Variants in LZIC observed in about 807,000 individuals in gnomAD.
LZIC encodes the protein leucine zipper and CTNNBIP1 domain containing.
LZIC carries 28 observed loss-of-function variants against 25.4 expected under a neutral mutation model. The ratio of observed to expected loss-of-function variants is 1.10; its 90% CI spans 0.82 to 1.51. LZIC has a LOEUF of 1.51. Ranked by LOEUF, LZIC falls within the 40% of genes most tolerant of loss-of-function variation. LZIC has a pLI of 0.00. For synonymous variants in LZIC, 65 were observed against 70.7 expected (o/e 0.92, Z 0.40); for missense variants, 170 against 211.1 (o/e 0.81, Z 1.21).
intron 2 of LZIC, among the ~76,000 whole-genome samples, chr1:9,938,308 C>G (rs1469113858): frequency 6.6e-6 from 1 of 152,042 alleles, no homozygotes; most frequent in Admixed American, 6.6e-5. Flanking sequence ...GCTGCAAACA[C>G]AGGCACACAC....
At chr1:9,942,956 G>A (rs1404880456) in intron 1 of LZIC, 174 bp from the exon 2 acceptor site, 1 of 351,442 alleles carries the variant, frequency 2.8e-6, no homozygotes, top group Non-Finnish European at 5.6e-6. Flanking sequence ...AGGCCGAGAG[G>A]GTCTTTGAGG....
downstream of LZIC, chr1:9,922,413 T>G: frequency 1.4e-6 from 1 of 693,882 alleles, no homozygotes; most frequent in African/African-American, 2.0e-5. Context: ...GCAATTCACT[T>G]AAAGAATTCA....
At chr1:9,940,301 C>A (rs984234767) in intron 2 of LZIC, among the ~76,000 whole-genome samples, 1 of 151,958 alleles carries the variant, frequency 6.6e-6, no homozygotes, top group African/African-American at 2.4e-5. Flanking sequence ...CTCAGCCTCC[C>A]GAGTAGCTAG....
At chr1:9,935,850 C>T (rs1640431088) in intron 3 of LZIC, among the ~76,000 whole-genome samples, 1 of 152,126 alleles carries the variant, frequency 6.6e-6, no homozygotes, top group Non-Finnish European at 1.5e-5. Context: ...CATAATAAAG[C>T]AGGGTGCCGT....
At chr1:9,934,654 T>G in intron 5 of LZIC, 108 bp downstream of exon 5, 1 of 842,980 alleles carries the variant, frequency 1.2e-6, no homozygotes, top group South Asian at 1.5e-5. Flanking sequence ...AATTGTTAGT[T>G]GTGGCTCTAA....
At position 9,929,899 on chromosome 1, in the gene LZIC, C is replaced by T. The variant is rs1426204811; in HGVS notation, c.*500G>A. On this transcript the variant is annotated 3_prime_UTR_variant, in exon 8 of 8. Transcript: ENST00000377223. ...ATGCGACTTTAAGCAAAGTCGCTTGCTCTTTCTGGACCTCAGTTTCCTTGT... is the reference window on the plus strand; with the variant it reads ...ATGCGACTTTAAGCAAAGTCGCTTGTTCTTTCTGGACCTCAGTTTCCTTGT... 2 of 954,480 alleles carry T rather than the reference C, an allele frequency of 2.1e-6. No individual in the cohort carries two copies. The highest frequency in any genetic ancestry group is 1.8e-5 in the African/African-American group (1 of 56,552). The allele number at this position is 954,480 out of a possible 1,614,324, so 59.1% of individuals were successfully genotyped here.
intron 2 of LZIC, among the ~76,000 whole-genome samples, chr1:9,941,485 G>A (rs1424545132): frequency 2.7e-5 from 4 of 150,244 alleles, no homozygotes; most frequent in East Asian, 2.0e-4. Context: ...GTAAGCTATC[G>A]TGCCTAGCCT....
chr1:9,923,688 CAAGAAA>C (rs981986066), downstream of LZIC, among the ~76,000 whole-genome samples: 3 of 150,868 alleles, frequency 2.0e-5, no homozygotes, highest in African/African-American at 7.3e-5. Flanking sequence ...AGCATTGGGT[CAAGAAA>C]AAAAGAGAAA....
intron 3 of LZIC, 28 bp downstream of exon 3, chr1:9,936,491 G>T (rs781535563): frequency 3.8e-5 from 58 of 1,525,372 alleles, no homozygotes; most frequent in Non-Finnish European, 5.0e-5. Flanking sequence ...CCAGTTTCCA[G>T]CATAACAACA....
intron 5 of LZIC, among the ~76,000 whole-genome samples, chr1:9,933,299 T>TAC (rs375043783): frequency 0.028 from 3,627 of 129,996 alleles, 82 homozygotes; most frequent in African/African-American, 0.035. Flanking sequence ...TATATATATA[T>TAC]ATACACATAC....
At chr1:9,926,060 A>AT (rs1639974949), downstream of LZIC, among the ~76,000 whole-genome samples, 1 of 151,140 alleles carries the variant, frequency 6.6e-6, no homozygotes, top group Non-Finnish European at 1.5e-5. Context: ...CGCCCAGCTA[A>AT]TTTTTTGTAT....
At chr1:9,924,345 TTTA>T (rs1373620629), downstream of LZIC, among the ~76,000 whole-genome samples, 1 of 85,294 alleles carries the variant, frequency 1.2e-5, no homozygotes, top group East Asian at 3.2e-4. Context: ...TCCATATTAT[TTTA>T]TTTTATTTAT....
At chr1:9,925,660 G>A (rs1030679335), downstream of LZIC, among the ~76,000 whole-genome samples, 8 of 151,986 alleles carry the variant, frequency 5.3e-5, no homozygotes, top group African/African-American at 1.9e-4. Context: ...CAAGATCTTG[G>A]CTCACTACAA....
At position 9,932,879 on chromosome 1, in the gene LZIC, A is replaced by G; in HGVS notation, c.356T>C (p.Val119Ala). 1 of 1,610,836 alleles carries G rather than the reference A, an allele frequency of 6.2e-7. No homozygotes were observed. The highest frequency in any genetic ancestry group is 8.5e-7 in the Non-Finnish European group (1 of 1,177,358). The change falls in exon 6 of 8, where the codon GTA (valine) becomes GCA (alanine). Residue 119 changes from valine (V) to alanine (A), a missense_variant. Transcript: ENST00000377223. ...GTACAGGTCTCTTTCCAGCTTTCCT[A>G]CCATCAGATCTCTATCCATCTAAAA... is the stretch of plus-strand genomic sequence containing the variant. ...RLAEMDRDLM[V>A]GKLERDLYTQ...
chr1:9,936,809 C>T (rs1437187557), intron 2 of LZIC, among the ~76,000 whole-genome samples, 182 bp from the exon 3 acceptor site: 1 of 152,258 alleles, frequency 6.6e-6, no homozygotes. Flanking sequence ...GCATAAGCCA[C>T]CACACCCAGT....
intron 7 of LZIC, 111 bp downstream of exon 7, chr1:9,931,780 C>A: frequency 1.6e-6 from 1 of 627,560 alleles, no homozygotes; most frequent in Non-Finnish European, 2.7e-6. Context: ...TGGTTTCACT[C>A]TTAAACTCAA....
chr1:9,929,809 G>T lies in LZIC; in HGVS notation c.*590C>A. On this transcript the variant is annotated 3_prime_UTR_variant, in exon 8 of 8. Coordinates refer to ENST00000377223, the MANE Select transcript of LZIC (RefSeq NM_032368.5). ...TTAATTATTTTTTTTAAATGGTACA[G>T]AAATAAAATTCAAAAGATACTAAAC... 1.0e-6 allele frequency: 1 copy of T among 984,346 alleles called. No individual in the cohort carries two copies. The highest frequency in any genetic ancestry group is 1.2e-6 in the Non-Finnish European group (1 of 828,974). The allele number at this position is 984,346 out of a possible 1,614,324, so 61.0% of individuals were successfully genotyped here.
chr1:9,934,738 CA>C (rs1350773738), intron 5 of LZIC, 23 bp downstream of exon 5: 3 of 1,593,094 alleles, frequency 1.9e-6, no homozygotes, highest in Non-Finnish European at 2.6e-6. Context: ...ACACAGCAAC[CA>C]AATCAATTTA....
Position 9,930,190 on chromosome 1 carries a change from G to A in LZIC, c.*209C>T. The A allele has an allele frequency of 1.4e-6, 2 of 1,384,130 alleles. No individual in the cohort carries two copies. Among genetic ancestry groups the A allele is most frequent in the South Asian group, 1.8e-5 (1 of 56,254 alleles). The allele number at this position is 1,384,130 out of a possible 1,614,324, so 85.7% of individuals were successfully genotyped here. ...CCAGTGAGTCCCTCTGTCGCAACAA[G>A]TTCAGGATCACTCAAGCAGGTAACC... On this transcript the variant is annotated 3_prime_UTR_variant, in exon 8 of 8. Transcript: ENST00000377223.
Sources: allele counts gnomAD v4.1 joint callset (sites outside exome capture counted in the v4.1 genomes callset), GRCh38; gene constraint gnomAD v4.1.1; transcripts MANE v1.5; gene names NCBI Gene and HGNC (gene_info 2026-07-23, HGNC 2026-07-21).